MVD: variants seen among roughly 807,000 people sequenced by gnomAD.
The protein encoded by MVD is mevalonate diphosphate decarboxylase.
Under a neutral mutation model 42.4 loss-of-function variants are expected in MVD, and 52 were observed. That is an observed-to-expected ratio of 1.23 (90% confidence interval 0.98 to 1.55). The LOEUF is 1.55. Ranked by LOEUF, MVD falls within the 40% of genes most tolerant of loss-of-function variation. The pLI is 0.00. For synonymous variants in MVD, 287 were observed against 243.2 expected (o/e 1.18, Z -1.68); for missense variants, 663 against 572.1 (o/e 1.16, Z -1.62).
chr16:88,660,202 TG>T (rs1329064430), intron 1 of MVD, among the ~76,000 whole-genome samples: 3 of 152,114 alleles, frequency 2.0e-5, no homozygotes, highest in Non-Finnish European at 4.4e-5. Flanking sequence ...GGGACAGCGT[TG>T]GTGGGGAGGG....
At position 88,656,470 on chromosome 16, in the gene MVD, T is replaced by C. The variant is rs1907937566; in HGVS notation, c.404-166A>G. On this transcript the variant is annotated intron_variant, in intron 4 of 9. Transcript: ENST00000301012. ...AGGCCAGCATTCACCGGCCCAGCCG[T>C]CTGTCCCCCACCTCCGCTAGTTCCA... 4.2e-6 allele frequency: 3 copies of C among 708,010 alleles called. No homozygotes were observed. The African/African-American group carries it at 5.3e-5, about 13-fold the overall frequency. 43.9% of individuals were successfully genotyped at this position (708,010 alleles called of 1,614,324 possible).
chr16:88,657,344 C>T (rs1048579680), intron 4 of MVD, 92 bp downstream of exon 4: 92 of 1,500,926 alleles, frequency 6.1e-5, no homozygotes, highest in Non-Finnish European at 7.2e-5. Flanking sequence ...CTTTTAGCCA[C>T]GCCCAGCAGT....
chr16:88,653,840 C>T (rs1217950764), intron 8 of MVD, among the ~76,000 whole-genome samples: 2 of 152,120 alleles, frequency 1.3e-5, no homozygotes, highest in Non-Finnish European at 2.9e-5. Context: ...CCACCCGGAG[C>T]AGCAGCCACG....
At chr16:88,658,854 G>A (rs1908113425) in intron 1 of MVD, 134 bp from the exon 2 acceptor site, 3 of 704,794 alleles carry the variant, frequency 4.3e-6, no homozygotes, top group Non-Finnish European at 7.3e-6. Flanking sequence ...CAACCTGTGT[G>A]CCCCTCCTCC....
In MVD at chr16:88,652,474, T is replaced by A; in HGVS notation, c.*51A>T. On this transcript the variant is annotated 3_prime_UTR_variant, in exon 10 of 10. Coordinates refer to ENST00000301012, the MANE Select transcript of MVD (RefSeq NM_002461.3). Reference sequence around the variant, plus strand: ...CAGCCCACCACATCCGCTCCCTAGCTCCGGCGAGGCCACCCCTTCTCCAAG... The same window carrying A: ...CAGCCCACCACATCCGCTCCCTAGCACCGGCGAGGCCACCCCTTCTCCAAG... The A allele has an allele frequency of 6.5e-7, 1 of 1,540,906 alleles. No individual in the cohort carries two copies. Among genetic ancestry groups the A allele is most frequent in the Non-Finnish European group, 8.8e-7 (1 of 1,138,772 alleles).
rs768797830 is a variant in MVD, at chr16:88,657,428, G to A, written c.403+8C>T. ...CCAGAACCCCTGCGGGTCTCTGTGG[G>A]CACCCACCTAGGCAGGCATAGCCCG... is the stretch of plus-strand genomic sequence containing the variant. On this transcript the variant is annotated splice_region_variant and intron_variant, in intron 4 of 9. Coordinates refer to ENST00000301012, the MANE Select transcript of MVD (RefSeq NM_002461.3). The A allele has an allele frequency of 3.1e-6, 5 of 1,593,388 alleles. No individual in the cohort carries two copies. The highest frequency in any genetic ancestry group is 4.3e-6 in the Non-Finnish European group (5 of 1,170,902).
chr16:88,661,549 C>G (rs1209552590), intron 1 of MVD, among the ~76,000 whole-genome samples: 5 of 151,918 alleles, frequency 3.3e-5, no homozygotes, highest in African/African-American at 1.2e-4. Flanking sequence ...ACTCTCCAAA[C>G]TTATAGTAAA....
In MVD at chr16:88,657,527, G is replaced by A; in HGVS notation, c.312C>T (p.Ser104=). The A allele has an allele frequency of 6.2e-7, 1 of 1,612,844 alleles. No individual in the cohort carries two copies. The highest frequency in any genetic ancestry group is 8.5e-7 in the Non-Finnish European group (1 of 1,179,938). Residue 104 remains serine, a synonymous_variant, in exon 4 of 10, where the codon TCC becomes TCT. Coordinates refer to ENST00000301012, the MANE Select transcript of MVD (RefSeq NM_002461.3). The part of the protein sequence containing the change: ...RNSRDGDPLP[S]SLSCKVHVAS... ...CCACGTGCACCTTGCAGCTGAGGCTGGAGGGCAGCGGGTCCCCATCCCGTG... is the reference window on the plus strand; with the variant it reads ...CCACGTGCACCTTGCAGCTGAGGCTAGAGGGCAGCGGGTCCCCATCCCGTG...
intron 1 of MVD, 56 bp downstream of exon 1, chr16:88,662,955 G>A: frequency 6.4e-7 from 1 of 1,561,086 alleles, no homozygotes; most frequent in Admixed American, 1.9e-5. Flanking sequence ...CGCGACCCCC[G>A]CGTACCCGGC....
chr16:88,660,754 T>C (rs1400624917), intron 1 of MVD: 2 of 150,830 alleles, frequency 1.3e-5, no homozygotes, highest in East Asian at 3.9e-4. Context: ...ACACCTGTAA[T>C]CCCAGCACTT....
At position 88,659,018 on chromosome 16, in the gene MVD, C is replaced by A. The variant is rs144745641; in HGVS notation, c.71-298G>T. 175 of 407,840 alleles carry A rather than the reference C, an allele frequency of 4.3e-4. 1 individual carries two copies. The East Asian group carries it at 8.4e-3, about 20-fold the overall frequency. 25.3% of individuals were successfully genotyped at this position (407,840 alleles called of 1,614,324 possible). On this transcript the variant is annotated intron_variant, in intron 1 of 9. Transcript: ENST00000301012. ...GTGCCCAGGTGCGGATCGCTCCCACCGCGGCCTGCCTCCCCTCCACCTTCC... is the reference window on the plus strand; with the variant it reads ...GTGCCCAGGTGCGGATCGCTCCCACAGCGGCCTGCCTCCCCTCCACCTTCC...
intron 1 of MVD, chr16:88,662,143 A>T (rs1185388935): frequency 6.6e-6 from 1 of 152,190 alleles, no homozygotes; most frequent in Non-Finnish European, 1.5e-5. Flanking sequence ...AACACAAAAA[A>T]ATTAGCCAGT....
chr16:88,657,792 C>T (rs1908029007), intron 3 of MVD, 123 bp downstream of exon 3: 9 of 1,267,346 alleles, frequency 7.1e-6, no homozygotes, highest in South Asian at 2.7e-5. Context: ...GCCCAGCGGG[C>T]ATGTCTGGTT....
chr16:88,656,037 C>T (rs1567614976), intron 5 of MVD, 68 bp downstream of exon 5: 2 of 1,512,924 alleles, frequency 1.3e-6, no homozygotes, highest in East Asian at 4.5e-5. Flanking sequence ...CGCTCCTGCT[C>T]CCGGCAGCAG....
intron 1 of MVD, chr16:88,662,561 G>T: frequency 1.7e-6 from 1 of 601,034 alleles, no homozygotes; most frequent in Non-Finnish European, 2.1e-6. Context: ...GAGAAACGGG[G>T]CGAGGGAGGG....
At position 88,658,044 on chromosome 16, in the gene MVD, CA is replaced by C. The variant is rs1309946742; in HGVS notation, c.142-16del. On this transcript the variant is annotated splice_polypyrimidine_tract_variant and intron_variant, in intron 2 of 9. Coordinates refer to ENST00000301012, the MANE Select transcript of MVD (RefSeq NM_002461.3). The stretch of plus-strand genomic sequence containing the variant: ...GTGGTTTTTAACTGAAAAGGAAACC[CA>C]GGGCCACCTCAGAGGCCAGCATTGA... 1 of 1,612,892 alleles carries C rather than the reference CA, an allele frequency of 6.2e-7. No homozygotes were observed. Among genetic ancestry groups the C allele is most frequent in the South Asian group, 1.1e-5 (1 of 91,056 alleles).
chr16:88,656,380 A>G, intron 4 of MVD, 76 bp from the exon 5 acceptor site: 1 of 1,482,504 alleles, frequency 6.7e-7, no homozygotes, highest in East Asian at 2.3e-5. Context: ...CGCCCCAGGA[A>G]CGTCCCACAC....
In MVD at chr16:88,655,874, C is replaced by T. The variant is rs973734243; in HGVS notation, c.604-144G>A. The T allele has an allele frequency of 1.3e-5, 15 of 1,157,718 alleles. No individual in the cohort carries two copies. The Admixed American group carries it at 2.1e-4, about 16-fold the overall frequency. The allele number at this position is 1,157,718 out of a possible 1,614,324, so 71.7% of individuals were successfully genotyped here. ...CACCTGCCTGACCACAGAGGCCTCC[C>T]GGCCACAGCAGGGGTGACGCAGGGG... On this transcript the variant is annotated intron_variant, in intron 5 of 9. Coordinates refer to ENST00000301012, the MANE Select transcript of MVD (RefSeq NM_002461.3).
chr16:88,654,771 T>G lies in MVD; in HGVS notation c.934A>C (p.Ile312Leu). 6.3e-7 allele frequency: 1 copy of G among 1,597,472 alleles called. No homozygotes were observed. Among genetic ancestry groups the G allele is most frequent in the Non-Finnish European group, 8.5e-7 (1 of 1,174,362 alleles). ...YTFDAGPNAV[I>L]FTLDDTVAEF... is the part of the protein sequence containing the mutation. ...GCCACAGTGTCGTCCAGGGTGAAGATCACGGCATTGGGGCCCGCGTCAAAG... is the reference window on the plus strand; with the variant it reads ...GCCACAGTGTCGTCCAGGGTGAAGAGCACGGCATTGGGGCCCGCGTCAAAG... The change falls in exon 8 of 10, where the codon ATC becomes CTC. Residue 312 changes from isoleucine (I) to leucine (L), a missense_variant. Coordinates refer to ENST00000301012, the MANE Select transcript of MVD (RefSeq NM_002461.3).
Sources: allele counts gnomAD v4.1 joint callset (sites outside exome capture counted in the v4.1 genomes callset), GRCh38; gene constraint gnomAD v4.1.1; transcripts MANE v1.5; gene names NCBI Gene and HGNC (gene_info 2026-07-23, HGNC 2026-07-21).